The following TMPRSS6 variants were observed in gnomAD, a reference collection of about 807,000 sequenced individuals.
The protein encoded by TMPRSS6 is transmembrane protease serine 6.
A neutral mutation model predicts 101.5 loss-of-function variants in TMPRSS6; 67 were observed. That is an observed-to-expected ratio of 0.66 (90% CI 0.54 to 0.81). TMPRSS6 has a LOEUF of 0.81. TMPRSS6 is among the 30% of genes least tolerant of loss of function. The probability of loss-of-function intolerance (pLI) is 0.00; values close to 1 mark genes in which losing one functional copy is unlikely to be tolerated. For synonymous variants in TMPRSS6, 453 were observed against 464.9 expected (o/e 0.97, Z 0.33); for missense variants, 1,034 against 1,088.7 (o/e 0.95, Z 0.71).
At chr22:37,073,667 G>A (rs990418618) in intron 12 of TMPRSS6, 22 bp from the exon 13 acceptor site, 1 of 1,570,448 alleles carries the variant, frequency 6.4e-7, no homozygotes, top group South Asian at 1.1e-5. Flanking sequence ...CACAGAGAGG[G>A]GACAGGTGGG....
intron 10 of TMPRSS6, chr22:37,083,144 CA>C (rs1928394852): frequency 2.2e-6 from 1 of 459,348 alleles, no homozygotes; most frequent in Non-Finnish European, 4.5e-6. Flanking sequence ...ATTAGGCCCC[CA>C]GAATTCCGAG....
At position 37,095,591 on chromosome 22, in the gene TMPRSS6, T is replaced by A. The variant is rs1929674072; in HGVS notation, c.591A>T (p.Glu197Asp). ...EVDPEGLVIL[E>D]ASVKDIAALN... ...ATGCAGCTATGTCTTTCACACTGGCTTCTGATAAAAGGAAATGAACAAACA... is the reference window on the plus strand; with the variant it reads ...ATGCAGCTATGTCTTTCACACTGGCATCTGATAAAAGGAAATGAACAAACA... The change falls in exon 6 of 18, where the codon GAA (glutamate) becomes GAT (aspartate). Residue 197 changes from glutamate to aspartate, a missense_variant and splice_region_variant. Glu to Asp is a conservative substitution (Grantham distance 45, BLOSUM62 2). Transcript: ENST00000676104. The A allele has an allele frequency of 3.1e-6, 5 of 1,607,818 alleles. No individual in the cohort carries two copies. In the East Asian group the frequency reaches 1.1e-4, roughly 36 times the overall value.
rs1413852979 is a variant in TMPRSS6, at chr22:37,103,201, G to T, written c.202+15C>A. ...CCTCCCCAGGTGCCTCTCCCAGGCGGTCCCACAACGTTACCTAGGAAATAC... is the reference window on the plus strand; with the variant it reads ...CCTCCCCAGGTGCCTCTCCCAGGCGTTCCCACAACGTTACCTAGGAAATAC... On this transcript the variant is annotated intron_variant, in intron 2 of 17. Coordinates refer to ENST00000676104, the MANE Select transcript of TMPRSS6 (RefSeq NM_001374504.1). The surrounding 1 kb of genome is among the most constrained non-coding windows in gnomAD (Gnocchi z 4.4). The T allele has an allele frequency of 5.6e-6, 9 of 1,613,584 alleles. No individual in the cohort carries two copies. Among genetic ancestry groups the T allele is most frequent in the Admixed American group, 5.0e-5 (3 of 60,014 alleles).
Position 37,089,755 on chromosome 22 carries a change from TGGCCC to T in TMPRSS6, c.654_658del (p.Gln220ProfsTer9). 6.2e-7 allele frequency: 1 copy of T among 1,612,538 alleles called. No individual in the cohort carries two copies. Among genetic ancestry groups the T allele is most frequent in the Non-Finnish European group, 8.5e-7 (1 of 1,179,736 alleles). ...CCCCTTCAGCCGGAGGACCTGGCCC[TGGCCC>T]ACGTAGCTGTAGCGGTAACAACCTG... On this transcript the variant is annotated frameshift_variant, in exon 7 of 18. Coordinates refer to ENST00000676104, the MANE Select transcript of TMPRSS6 (RefSeq NM_001374504.1). LOFTEE classifies it high-confidence loss of function.
intron 1 of TMPRSS6, among the ~76,000 whole-genome samples, chr22:37,107,806 CA>C (rs1930806063): frequency 6.6e-6 from 1 of 152,204 alleles, no homozygotes; most frequent in Non-Finnish European, 1.5e-5. Context: ...GTCACCTCTC[CA>C]GAGAGGCCTT....
chr22:37,105,302 T>C (rs1349700455), intron 1 of TMPRSS6, among the ~76,000 whole-genome samples: 1 of 152,214 alleles, frequency 6.6e-6, no homozygotes, highest in Non-Finnish European at 1.5e-5. Context: ...CATTCCTGCA[T>C]GTGGAGTGGG....
intron 7 of TMPRSS6, among the ~76,000 whole-genome samples, chr22:37,088,512 T>C (rs187556662): frequency 6.6e-6 from 1 of 152,184 alleles, no homozygotes; most frequent in East Asian, 1.9e-4. Context: ...CTTCCCCACC[T>C]CCTGCAGTGC....
intron 10 of TMPRSS6, among the ~76,000 whole-genome samples, chr22:37,079,888 G>A (rs948028945): frequency 4.6e-5 from 7 of 152,230 alleles, no homozygotes; most frequent in African/African-American, 7.2e-5. Context: ...TGTGGCTGCC[G>A]CCTGTGCTGG....
chr22:37,070,769 G>T, intron 14 of TMPRSS6, 117 bp from the exon 15 acceptor site: 1 of 1,332,112 alleles, frequency 7.5e-7, no homozygotes, highest in Non-Finnish European at 1.1e-6. Context: ...ATGATGGAGG[G>T]GGAGAGACCA....
In TMPRSS6 at chr22:37,065,834, G is replaced by A. The variant is rs550991810; in HGVS notation, c.*246C>T. Reference sequence around the variant, plus strand: ...AAGGGGACGGAGGAGAGAGAATTGGGAGGCAGAAGGGCTGGGTGTGGGCCT... The same window carrying A: ...AAGGGGACGGAGGAGAGAGAATTGGAAGGCAGAAGGGCTGGGTGTGGGCCT... On this transcript the variant is annotated 3_prime_UTR_variant, in exon 18 of 18. Coordinates refer to ENST00000676104, the MANE Select transcript of TMPRSS6 (RefSeq NM_001374504.1). 1 of 571,642 alleles carries A rather than the reference G, an allele frequency of 1.7e-6. No individual in the cohort carries two copies. The highest frequency in any genetic ancestry group is 1.9e-5 in the African/African-American group (1 of 53,414). The allele number at this position is 571,642 out of a possible 1,614,324, so 35.4% of individuals were successfully genotyped here.
Position 37,103,657 on chromosome 22 carries a change from C to G in TMPRSS6, c.-1-239G>C. On this transcript the variant is annotated intron_variant, in intron 1 of 17. Transcript: ENST00000676104. The surrounding 1 kb of genome is among the most constrained non-coding windows in gnomAD (Gnocchi z 4.4). ...GCTGGACTGGGTCTGGCTCAAGAAC[C>G]CCACCTTTGCTTCCCACTGGCTTCC... 6.8e-7 allele frequency: 1 copy of G among 1,472,166 alleles called. No homozygotes were observed. Among genetic ancestry groups the G allele is most frequent in the Non-Finnish European group, 9.4e-7 (1 of 1,062,948 alleles). 91.2% of individuals were successfully genotyped at this position (1,472,166 alleles called of 1,614,324 possible).
chr22:37,083,734 T>C (rs1441442259), intron 10 of TMPRSS6, among the ~76,000 whole-genome samples: 1 of 152,232 alleles, frequency 6.6e-6, no homozygotes, highest in African/African-American at 2.4e-5. Context: ...TGTCGGAAAC[T>C]TAGTTACCAG....
In TMPRSS6 at chr22:37,089,558, C is replaced by A; in HGVS notation, c.836+20G>T. 1 of 1,570,588 alleles carries A rather than the reference C, an allele frequency of 6.4e-7. No individual in the cohort carries two copies. The highest frequency in any genetic ancestry group is 1.1e-5 in the South Asian group (1 of 87,892). ...TCCCTTTTCCAGCCCTCCCTCCTGC[C>A]CTCCTTCCCAGGGACTCACGAGGTG... On this transcript the variant is annotated intron_variant, in intron 7 of 17. Coordinates refer to ENST00000676104, the MANE Select transcript of TMPRSS6 (RefSeq NM_001374504.1).
At chr22:37,066,728 A>G (rs1240764917) in intron 17 of TMPRSS6, 98 bp downstream of exon 17, 4 of 1,523,136 alleles carry the variant, frequency 2.6e-6, no homozygotes, top group Non-Finnish European at 2.7e-6. Flanking sequence ...GGAGGATGGG[A>G]GGCTTCAGCA....
In TMPRSS6 at chr22:37,070,908, G is replaced by A. The variant is rs377448476; in HGVS notation, c.1672+8C>T. ...GCTCCAGGGCCCCGGCAGCCAGGCA[G>A]GGCTCACCACAGTGCTCCTCATCCG... On this transcript the variant is annotated splice_region_variant and intron_variant, in intron 14 of 17. Coordinates refer to ENST00000676104, the MANE Select transcript of TMPRSS6 (RefSeq NM_001374504.1). 3.1e-6 allele frequency: 5 copies of A among 1,612,444 alleles called. No homozygotes were observed. Among genetic ancestry groups the A allele is most frequent in the Non-Finnish European group, 4.2e-6 (5 of 1,179,718 alleles).
chr22:37,070,211 G>C (rs1320011139), intron 15 of TMPRSS6, among the ~76,000 whole-genome samples: 1 of 152,008 alleles, frequency 6.6e-6, no homozygotes, highest in Non-Finnish European at 1.5e-5. Context: ...AGGAGCACAA[G>C]TGTTGCTGAA....
At chr22:37,067,990 TTGTC>T (rs1240705657) in intron 16 of TMPRSS6, among the ~76,000 whole-genome samples, 3 of 152,300 alleles carry the variant, frequency 2.0e-5, no homozygotes, top group Non-Finnish European at 4.4e-5. Flanking sequence ...TCTTTCCCCT[TTGTC>T]TGAATGTTGC....
At position 37,070,650 on chromosome 22, in the gene TMPRSS6, A is replaced by G. The variant is rs771223514; in HGVS notation, c.1675T>C (p.Cys559Arg). 6.2e-7 allele frequency: 1 copy of G among 1,612,564 alleles called. No homozygotes were observed. ...RDGSDEEHCD[C>R]GLQGPSSRIV... The stretch of plus-strand genomic sequence containing the variant: ...CGGCTGGAGGGGCCCTGGAGGCCAC[A>G]GTCTGGGGATGGGGGCAGGTGGTGG... Residue 559 changes from cysteine (C) to arginine (R), a missense_variant and splice_region_variant, in exon 15 of 18, where the codon TGT becomes CGT. By Grantham distance (180) the Cys-to-Arg change is radical. Transcript: ENST00000676104.
intron 6 of TMPRSS6, among the ~76,000 whole-genome samples, chr22:37,090,701 C>G (rs1929185573): frequency 1.3e-5 from 2 of 152,212 alleles, no homozygotes; most frequent in African/African-American, 4.8e-5. Flanking sequence ...CTAATCTTTC[C>G]TGGGCCTTGC....
Sources: gnomAD v4.1 joint callset for allele counts (sites outside exome capture counted in the v4.1 genomes callset) on GRCh38, gnomAD v4.1.1 for gene constraint, Gnocchi (gnomAD v3.1) non-coding constraint, MANE v1.5 for transcripts, NCBI Gene and HGNC (gene_info 2026-07-23, HGNC 2026-07-21) for gene names.